The following JAML variants were observed in gnomAD, a reference collection of about 807,000 sequenced individuals.
JAML encodes junctional adhesion molecule-like.
Under a neutral mutation model 39.3 loss-of-function variants are expected in JAML, and 25 were observed. The observed-to-expected ratio is 0.64, with a 90% CI of 0.46 to 0.89. The LOEUF is 0.89. Ranked by LOEUF, JAML falls within the 40% of genes least tolerant of loss-of-function variation. The pLI is 0.00. For synonymous variants in JAML, 162 were observed against 179.2 expected, an observed-to-expected ratio of 0.90 and a Z score of 0.77; for missense variants, 440 against 486.9, an observed-to-expected ratio of 0.90 and a Z score of 0.91.
chr11:118,205,588 A>G (rs1591468726), intron 5 of JAML: 1 of 347,584 alleles, frequency 2.9e-6, no homozygotes, highest in East Asian at 6.2e-5. Context: ...TACGAAGGAA[A>G]AGGGAGAAAG....
intron 7 of JAML, among the ~76,000 whole-genome samples, chr11:118,198,551 C>T (rs1394291893): frequency 6.6e-6 from 1 of 152,064 alleles, no homozygotes; most frequent in African/African-American, 2.4e-5. Flanking sequence ...CCCACAAACA[C>T]CCGACCCAAG....
chr11:118,213,051 G>A (rs1949093364), intron 2 of JAML: 2 of 1,592,536 alleles, frequency 1.3e-6, no homozygotes, highest in Non-Finnish European at 1.7e-6. Context: ...GATTCTGGCT[G>A]TAGGGCAGGT....
intron 1 of JAML, among the ~76,000 whole-genome samples, chr11:118,219,279 G>A (rs943682655): frequency 2.0e-5 from 3 of 152,170 alleles, no homozygotes; most frequent in African/African-American, 7.2e-5. Flanking sequence ...AACAACAAAT[G>A]CTGGTGAGGA....
chr11:118,197,912 A>T, intron 8 of JAML, 86 bp downstream of exon 8: 1 of 1,256,302 alleles, frequency 8.0e-7, no homozygotes, highest in Non-Finnish European at 1.2e-6. Flanking sequence ...GCTGCGACAT[A>T]CAATGGGTAA....
At chr11:118,220,526 C>A (rs901115529) in intron 1 of JAML, among the ~76,000 whole-genome samples, 3 of 152,210 alleles carry the variant, frequency 2.0e-5, no homozygotes, top group African/African-American at 7.2e-5. Flanking sequence ...AACCCTCAGA[C>A]TCTCAAAAAG....
chr11:118,214,427 A>T (rs1949113734), intron 2 of JAML, among the ~76,000 whole-genome samples: 4 of 152,170 alleles, frequency 2.6e-5, no homozygotes, highest in Admixed American at 1.3e-4. Flanking sequence ...GAACCACAAG[A>T]AGGCTGACAT....
intron 4 of JAML, among the ~76,000 whole-genome samples, chr11:118,208,344 A>G (rs1206378054): frequency 1.3e-5 from 2 of 152,256 alleles, no homozygotes; most frequent in African/African-American, 4.8e-5. Flanking sequence ...ATGAAAAAAA[A>G]GTAGGATAAT....
At chr11:118,213,437 C>G (rs976766873) in intron 2 of JAML, 1 of 617,070 alleles carries the variant, frequency 1.6e-6, no homozygotes, top group Non-Finnish European at 2.0e-6. Context: ...CCTGCCCCAA[C>G]AGTAGGCTCA....
In JAML at chr11:118,203,438, T is replaced by G; in HGVS notation, c.762A>C (p.Glu254Asp). 6.2e-7 allele frequency: 1 copy of G among 1,614,100 alleles called. No individual in the cohort carries two copies. The highest frequency in any genetic ancestry group is 8.5e-7 in the Non-Finnish European group (1 of 1,179,940). The change falls in exon 6 of 10, where the codon GAA becomes GAC. Residue 254 changes from glutamate to aspartate, a missense_variant. Coordinates refer to ENST00000356289, the MANE Select transcript of JAML (RefSeq NM_001098526.2). Reference protein sequence around the residue: ...KKTIVLHVSPEEPRTLVTPAA... With the variant: ...KKTIVLHVSPDEPRTLVTPAA... Reference sequence around the variant, plus strand: ...CCAAATGTTAGATACTTCGAGGCTCTTCCGGGCTGACATGCAGCACAATGG... The same window carrying G: ...CCAAATGTTAGATACTTCGAGGCTCGTCCGGGCTGACATGCAGCACAATGG...
At position 118,200,708 on chromosome 11, in the gene JAML, G is replaced by A. The variant is rs1014760516; in HGVS notation, c.773-96C>T. 4.1e-5 allele frequency: 59 copies of A among 1,433,456 alleles called. No homozygotes were observed. In the Admixed American group the frequency reaches 5.9e-4, roughly 14 times the overall value. 88.8% of individuals were successfully genotyped at this position (1,433,456 alleles called of 1,614,324 possible). ...TACCAAGTAGCACCAGCCAGGCCAC[G>A]AAGCGGAGGGGAAGGCCAGACTCCA... is the stretch of plus-strand genomic sequence containing the variant. On this transcript the variant is annotated intron_variant, in intron 6 of 9. Coordinates refer to ENST00000356289, the MANE Select transcript of JAML (RefSeq NM_001098526.2).
intron 7 of JAML, 67 bp from the exon 8 acceptor site, chr11:118,198,158 G>T: frequency 7.5e-7 from 1 of 1,332,244 alleles, no homozygotes; most frequent in South Asian, 1.2e-5. Context: ...CCCTACATGA[G>T]ATCCCCTCTT....
At chr11:118,197,961 CAT>C in intron 8 of JAML, 35 bp downstream of exon 8, 1 of 1,579,292 alleles carries the variant, frequency 6.3e-7, no homozygotes, top group Non-Finnish European at 8.7e-7. Flanking sequence ...CCCAGGCCTG[CAT>C]CTACTTAGTG....
intron 1 of JAML, among the ~76,000 whole-genome samples, 191 bp downstream of exon 1, chr11:118,224,750 C>T (rs923751060): frequency 6.6e-6 from 1 of 152,116 alleles, no homozygotes; most frequent in Non-Finnish European, 1.5e-5. Context: ...ACCTAAGTTA[C>T]TCTACACGAC....
chr11:118,212,857 G>A (rs1310457844), intron 2 of JAML: 1 of 1,613,850 alleles, frequency 6.2e-7, no homozygotes, highest in Admixed American at 1.7e-5. Context: ...AAGAAATAAG[G>A]GAAACCCCAG....
chr11:118,195,351 C>A (rs1948629498), intron 9 of JAML, among the ~76,000 whole-genome samples: 1 of 152,152 alleles, frequency 6.6e-6, no homozygotes, highest in South Asian at 2.1e-4. Context: ...CCTCTCTCTG[C>A]TGCAATCAGC....
intron 2 of JAML, among the ~76,000 whole-genome samples, chr11:118,214,461 T>C (rs745356527): frequency 1.3e-5 from 2 of 152,226 alleles, no homozygotes; most frequent in African/African-American, 2.4e-5. Context: ...AAAACAGCTC[T>C]GGGTCTCTCT....
intron 9 of JAML, among the ~76,000 whole-genome samples, chr11:118,195,297 G>A (rs1225954932): frequency 1.3e-5 from 2 of 152,034 alleles, no homozygotes; most frequent in East Asian, 1.9e-4. Context: ...TGTTTCACTC[G>A]GTGGATCCAG....
chr11:118,196,915 C>A, intron 8 of JAML, 94 bp from the exon 9 acceptor site: 1 of 963,912 alleles, frequency 1.0e-6, no homozygotes, highest in Admixed American at 1.8e-5. Context: ...TAGGCATCGA[C>A]CACCCAAACT....
At chr11:118,216,898 C>A (rs1949149960) in intron 1 of JAML, among the ~76,000 whole-genome samples, 1 of 152,216 alleles carries the variant, frequency 6.6e-6, no homozygotes, top group South Asian at 2.1e-4. Context: ...TGCCACCCAC[C>A]TTGCCCCATA....
Sources: gnomAD v4.1 joint callset for allele counts (sites outside exome capture counted in the v4.1 genomes callset) on GRCh38, gnomAD v4.1.1 for gene constraint, MANE v1.5 for transcripts, NCBI Gene and HGNC (gene_info 2026-07-23, HGNC 2026-07-21) for gene names.